Variants in TTLL7 observed in about 807,000 individuals in gnomAD.
TTLL7 encodes tubulin polyglutamylase TTLL7.
TTLL7 carries 53 observed loss-of-function variants against 120.2 expected under a neutral mutation model. The ratio of observed to expected loss-of-function variants is 0.44; its 90% CI spans 0.35 to 0.55. The LOEUF is 0.55. Ranked by LOEUF, TTLL7 falls within the 20% of genes least tolerant of loss-of-function variation. The probability of loss-of-function intolerance (pLI) is 0.00; values close to 1 mark genes in which losing one functional copy is unlikely to be tolerated. For synonymous variants in TTLL7, 353 were observed against 351.7 expected (o/e 1.00, Z -0.04); for missense variants, 803 against 1,054.7 (o/e 0.76, Z 3.31).
At chr1:83,957,842 C>G (rs1015720437) in intron 1 of TTLL7, among the ~76,000 whole-genome samples, 4 of 152,200 alleles carry the variant, frequency 2.6e-5, no homozygotes, top group African/African-American at 9.6e-5. Context: ...ATAGCCCTCA[C>G]CAGGAACCTA....
chr1:83,952,098 C>T (rs1649120506), intron 2 of TTLL7, 89 bp downstream of exon 2: 2 of 1,510,012 alleles, frequency 1.3e-6, no homozygotes, highest in East Asian at 2.4e-5. Context: ...TAAAAAGTCC[C>T]CAATTAATTT....
rs1276038937 is a variant in TTLL7, at chr1:83,916,109, A to T, written c.1587+1495T>A. ...GATTCCTCAGGGATCTAGAACTAGA[A>T]ATACCATTTGACCCAGCCATCCCAT... On this transcript the variant is annotated intron_variant, in intron 14 of 20. Transcript: ENST00000260505. Among the ~76,000 whole-genome samples the T allele has an allele frequency of 2.0e-5, 3 of 152,308 alleles. No individual in the cohort carries two copies. In the East Asian group the frequency reaches 5.8e-4, roughly 29 times the overall value.
At chr1:83,910,167 A>G (rs574719658) in intron 15 of TTLL7, among the ~76,000 whole-genome samples, 2 of 152,278 alleles carry the variant, frequency 1.3e-5, no homozygotes, top group South Asian at 2.1e-4. Flanking sequence ...AGCTTCATCT[A>G]TTGGTTCTTT....
intron 13 of TTLL7, among the ~76,000 whole-genome samples, chr1:83,918,228 A>G (rs1308722001): frequency 6.6e-6 from 1 of 152,182 alleles, no homozygotes; most frequent in African/African-American, 2.4e-5. Context: ...AACTTTATAA[A>G]GGTTTTCATT....
At chr1:83,879,964 C>T (rs1045008801) in intron 20 of TTLL7, 4 of 152,002 alleles carry the variant, frequency 2.6e-5, no homozygotes, top group African/African-American at 4.8e-5. Context: ...GATCCATCAA[C>T]AGAAATTAGT....
chr1:83,938,200 G>T (rs1446911677), intron 7 of TTLL7, among the ~76,000 whole-genome samples, 184 bp from the exon 8 acceptor site: 2 of 152,148 alleles, frequency 1.3e-5, no homozygotes, highest in Admixed American at 6.5e-5. Context: ...CCTTAAAAGG[G>T]TTGAGAATGT....
At chr1:83,961,401 G>A (rs1334092478) in intron 1 of TTLL7, among the ~76,000 whole-genome samples, 2 of 152,112 alleles carry the variant, frequency 1.3e-5, no homozygotes, top group Non-Finnish European at 2.9e-5. Flanking sequence ...TGTATAGTAT[G>A]TGTAATTAGA....
At chr1:83,972,606 T>C (rs1432373751) in intron 1 of TTLL7, among the ~76,000 whole-genome samples, 1 of 152,104 alleles carries the variant, frequency 6.6e-6, no homozygotes, top group Non-Finnish European at 1.5e-5. Context: ...TCTGGGTAAA[T>C]ACCAAGGAAT....
intron 1 of TTLL7, among the ~76,000 whole-genome samples, chr1:83,986,291 C>CATGT (rs1383048056): frequency 2.0e-5 from 3 of 152,068 alleles, no homozygotes; most frequent in Non-Finnish European, 4.4e-5. Flanking sequence ...AGATTTATTT[C>CATGT]ATGTATGCAA....
intron 1 of TTLL7, among the ~76,000 whole-genome samples, chr1:83,955,249 A>G (rs1339404622): frequency 1.3e-5 from 2 of 152,118 alleles, no homozygotes; most frequent in Admixed American, 6.5e-5. Context: ...GTTTTCTTCT[A>G]TCTTGTTCAC....
Position 83,868,004 on chromosome 1 carries a change from T to C in TTLL7, c.*1958A>G, listed in dbSNP as rs1653033100. On this transcript the variant is annotated 3_prime_UTR_variant, in exon 21 of 21. Transcript: ENST00000260505. The stretch of plus-strand genomic sequence containing the variant: ...TTGGGATGCATGCAGAGAGGAAAAG[T>C]ATCTACCAAATGTGGATGTTAGGTA... The C allele has an allele frequency of 6.6e-6, 1 of 152,164 alleles. No homozygotes were observed. The highest frequency in any genetic ancestry group is 1.9e-4 in the East Asian group (1 of 5,200). The allele number at this position is 152,164 out of a possible 1,614,324, so 9.4% of individuals were successfully genotyped here.
intron 1 of TTLL7, among the ~76,000 whole-genome samples, chr1:83,997,896 T>C (rs577280455): frequency 6.6e-6 from 1 of 152,352 alleles, no homozygotes; most frequent in South Asian, 2.1e-4. Flanking sequence ...TCCTATGTAG[T>C]GTTGTTCACA....
chr1:83,977,321 T>C (rs1571366071), intron 1 of TTLL7, among the ~76,000 whole-genome samples: 2 of 152,128 alleles, frequency 1.3e-5, no homozygotes, highest in Non-Finnish European at 2.9e-5. Flanking sequence ...GGAGACCATA[T>C]ACACTGCTCC....
Position 83,911,250 on chromosome 1 carries a change from T to C in TTLL7, c.1701A>G (p.Lys567=). 1.9e-6 allele frequency: 3 copies of C among 1,613,534 alleles called. No homozygotes were observed. Among genetic ancestry groups the C allele is most frequent in the Non-Finnish European group, 1.7e-6 (2 of 1,179,564 alleles). The change falls in exon 15 of 21, where the codon AAA becomes AAG. Residue 567 remains lysine, a synonymous_variant. Coordinates refer to ENST00000260505, the MANE Select transcript of TTLL7 (RefSeq NM_024686.6). ...CTCTTTTCTTATTTTGGTACTCTTC[T>C]TTTTCATTTTCGTCAGATTCTGAAG... ...SSSSESDENE[K]EEYQNKKREK...
At chr1:83,992,219 G>A (rs1416378905) in intron 1 of TTLL7, among the ~76,000 whole-genome samples, 3 of 151,998 alleles carry the variant, frequency 2.0e-5, no homozygotes, top group Non-Finnish European at 2.9e-5. Flanking sequence ...GAGAAGCACT[G>A]ATCCCTCCCT....
In TTLL7 at chr1:83,927,691, A is replaced by G. The variant is rs146777967; in HGVS notation, c.1142+1445T>C. 2.4e-3 allele frequency among the ~76,000 whole-genome samples: 369 copies of G among 152,312 alleles called. 3 individuals are homozygous for G. The highest frequency in any genetic ancestry group is 8.6e-3 in the African/African-American group (357 of 41,584). ...CATAATGAAAGTAAGATCATTCCCAATAGTCTGATTAAAATTAATGTTAAG... is the reference window on the plus strand; with the variant it reads ...CATAATGAAAGTAAGATCATTCCCAGTAGTCTGATTAAAATTAATGTTAAG... On this transcript the variant is annotated intron_variant, in intron 10 of 20. Coordinates refer to ENST00000260505, the MANE Select transcript of TTLL7 (RefSeq NM_024686.6).
intron 1 of TTLL7, among the ~76,000 whole-genome samples, chr1:83,972,205 C>G (rs1221032207): frequency 6.6e-6 from 1 of 152,034 alleles, no homozygotes; most frequent in African/African-American, 2.4e-5. Context: ...TCCATCATTA[C>G]AATATCCAAA....
chr1:83,932,175 A>T (rs1284341934), intron 9 of TTLL7, among the ~76,000 whole-genome samples: 3 of 152,178 alleles, frequency 2.0e-5, no homozygotes, highest in Non-Finnish European at 4.4e-5. Context: ...GTTTCTTCTA[A>T]AAAGGTAACT....
chr1:83,904,588 T>C (rs1160317803), intron 17 of TTLL7, among the ~76,000 whole-genome samples: 3 of 152,046 alleles, frequency 2.0e-5, no homozygotes, highest in Non-Finnish European at 2.9e-5. Flanking sequence ...TGAGCTGAGA[T>C]TATACCACTG....
Sources: allele counts gnomAD v4.1 joint callset (sites outside exome capture counted in the v4.1 genomes callset), GRCh38; gene constraint gnomAD v4.1.1; transcripts MANE v1.5; gene names NCBI Gene and HGNC (gene_info 2026-07-23, HGNC 2026-07-21).